TRNT1: variants seen among roughly 807,000 people sequenced by gnomAD.
TRNT1 encodes tRNA nucleotidyl transferase 1, also known as CCA tRNA nucleotidyltransferase 1, mitochondrial.
In TRNT1, 44 loss-of-function variants were observed where a neutral mutation model predicts 45.6. The observed-to-expected ratio is 0.97, with a 90% confidence interval of 0.76 to 1.24. The LOEUF is 1.24. Among genes scored for constraint, TRNT1 ranks in the 50% most tolerant of loss-of-function variants. The pLI is 0.00. For missense variants in TRNT1, 633 were observed against 504.4 expected (o/e 1.25, Z -2.44); for synonymous variants, 201 against 171.4 (o/e 1.17, Z -1.35).
chr3:3,130,212 A>C (rs1176137161), intron 2 of TRNT1: 1 of 475,690 alleles, frequency 2.1e-6, no homozygotes, highest in Non-Finnish European at 3.7e-6. Flanking sequence ...TATCTATTAG[A>C]TTCACCTGGG....
At chr3:3,134,238 G>A (rs1399035394) in intron 2 of TRNT1, among the ~76,000 whole-genome samples, 1 of 152,158 alleles carries the variant, frequency 6.6e-6, no homozygotes, top group Non-Finnish European at 1.5e-5. Flanking sequence ...ATCAGTAACA[G>A]GAATAAATAA....
downstream of TRNT1, chr3:3,150,684 A>G (rs1199430849): frequency 1.2e-5 from 7 of 606,986 alleles, no homozygotes; most frequent in South Asian, 1.2e-4. Flanking sequence ...CTTGTTTCCT[A>G]AAGTATACTT....
rs1272383827 is a variant in TRNT1, at chr3:3,137,299, G to C, written c.188G>C (p.Gly63Ala). The part of the protein sequence containing the change: ...VKENHELRIA[G>A]GAVRDLLNGV... Reference sequence around the variant, plus strand: ...GAGAATCACGAATTAAGAATAGCAGGAGGAGCAGTGAGGGATTTATTAAAT... The same window carrying C: ...GAGAATCACGAATTAAGAATAGCAGCAGGAGCAGTGAGGGATTTATTAAAT... Residue 63 changes from glycine (G) to alanine (A), a missense_variant, in exon 3 of 8, where the codon GGA becomes GCA. Physicochemically the swap from Gly to Ala is moderately conservative, Grantham distance 60. Transcript: ENST00000251607. The C allele has an allele frequency of 1.2e-6, 2 of 1,608,394 alleles. No individual in the cohort carries two copies. Among genetic ancestry groups the C allele is most frequent in the East Asian group, 2.2e-5 (1 of 44,722 alleles).
At chr3:3,146,689 G>GA in intron 6 of TRNT1, 66 bp downstream of exon 6, 4 of 1,382,154 alleles carry the variant, frequency 2.9e-6, no homozygotes, top group Admixed American at 2.4e-5. Flanking sequence ...ATTTCATAAG[G>GA]AAAAAATGTT....
In TRNT1 at chr3:3,146,266, G is replaced by A. The variant is rs117261505; in HGVS notation, c.609-164G>A. Among the ~76,000 whole-genome samples, 64 of 151,974 alleles carry A rather than the reference G, an allele frequency of 4.2e-4. 3 individuals carry two copies. The East Asian group carries it at 7.9e-3, about 19-fold the overall frequency. On this transcript the variant is annotated intron_variant, in intron 5 of 7. Coordinates refer to ENST00000251607, the MANE Select transcript of TRNT1 (RefSeq NM_182916.3). ...TTATCTGGGAAAAGAAAGAGGAGGTGGAGAAATGACCAGTTGCTTTCTAAG... is the reference window on the plus strand; with the variant it reads ...TTATCTGGGAAAAGAAAGAGGAGGTAGAGAAATGACCAGTTGCTTTCTAAG...
Position 3,129,226 on chromosome 3 carries a change from A to G in TRNT1, c.148+38A>G, listed in dbSNP as rs334772. The G allele has an allele frequency of 0.98, 1,558,875 of 1,586,300 alleles. 769,437 individuals carry two copies. The highest frequency in any genetic ancestry group is 1 in the East Asian group (44,754 of 44,754). The stretch of plus-strand genomic sequence containing the variant: ...GATACCTTTTCTTGATTGGAAACCT[A>G]TATAAATGGAGAAGTAGAGGGTTAA... On this transcript the variant is annotated intron_variant, in intron 2 of 7. Transcript: ENST00000251607.
chr3:3,144,797 T>A, intron 5 of TRNT1, 87 bp downstream of exon 5: 1 of 1,304,620 alleles, frequency 7.7e-7, no homozygotes, highest in East Asian at 2.8e-5. Context: ...AGCAGGTCAG[T>A]GTACAAAATG....
At position 3,129,118 on chromosome 3, in the gene TRNT1, T is replaced by C; in HGVS notation, c.78T>C (p.Tyr26=). 1 of 1,614,000 alleles carries C rather than the reference T, an allele frequency of 6.2e-7. No homozygotes were observed. The highest frequency in any genetic ancestry group is 8.5e-7 in the Non-Finnish European group (1 of 1,179,850). The change falls in exon 2 of 8, where the codon TAT becomes TAC. Residue 26 remains tyrosine (Y), a synonymous_variant. Coordinates refer to ENST00000251607, the MANE Select transcript of TRNT1 (RefSeq NM_182916.3). ...RWSRLCLPKQ[Y]LFTMKLQSPE... ...GTAGGCTGTGCCTTCCGAAGCAGTA[T>C]CTATTCACAATGAAGTTGCAGTCTC... is the stretch of plus-strand genomic sequence containing the variant.
chr3:3,129,167 G>T lies in TRNT1; in HGVS notation c.127G>T (p.Glu43Ter), dbSNP rs912144027. The change falls in exon 2 of 8, where the codon GAA becomes TAA. Residue 43 changes from glutamate (E) to a stop codon, truncating the protein, a stop_gained. Transcript: ENST00000251607. LOFTEE classifies it high-confidence loss of function. The part of the protein sequence containing the change: ...QSPEFQSLFT[E>*]GLKSLTELFV... ...TCCCGAATTCCAGTCACTTTTCACA[G>T]AAGGACTGAAGAGTCTGACAGGTGA... 2.5e-6 allele frequency: 4 copies of T among 1,614,064 alleles called. No individual in the cohort carries two copies. The highest frequency in any genetic ancestry group is 3.4e-6 in the Non-Finnish European group (4 of 1,179,924).
downstream of TRNT1, chr3:3,150,170 T>C (rs1706409803): frequency 2.6e-5 from 4 of 152,284 alleles, no homozygotes; most frequent in Admixed American, 2.0e-4. Context: ...AAAAATAGCT[T>C]TTGTATGGAA....
chr3:3,147,799 CTTATT>C (rs1170364530), intron 7 of TRNT1, 96 bp downstream of exon 7: 7 of 1,516,858 alleles, frequency 4.6e-6, no homozygotes, highest in Non-Finnish European at 5.3e-6. Context: ...GTGAATTTTA[CTTATT>C]TTAAATGAAA....
chr3:3,152,423 G>GAAAAAAAA, downstream of TRNT1: 1 of 1,486,980 alleles, frequency 6.7e-7, no homozygotes, highest in Admixed American at 1.9e-5. Flanking sequence ...GGTAAAAAAA[G>GAAAAAAAA]AAAAAAAAAA....
rs768543205 is a variant in TRNT1, at chr3:3,137,228, G to A, written c.149-32G>A. ...ATAAACACATTGAAATAAAGAACTTGGGAATAAAAATCTTATTTTCTCTCA... is the reference window on the plus strand; with the variant it reads ...ATAAACACATTGAAATAAAGAACTTAGGAATAAAAATCTTATTTTCTCTCA... On this transcript the variant is annotated intron_variant, in intron 2 of 7. Coordinates refer to ENST00000251607, the MANE Select transcript of TRNT1 (RefSeq NM_182916.3). The A allele has an allele frequency of 5.9e-6, 9 of 1,527,320 alleles. No homozygotes were observed. The South Asian group carries it at 1.0e-4, about 17-fold the overall frequency. The allele number at this position is 1,527,320 out of a possible 1,614,324, so 94.6% of individuals were successfully genotyped here.
intron 5 of TRNT1, chr3:3,145,607 C>A (rs1247050300): frequency 6.6e-6 from 1 of 151,670 alleles, no homozygotes; most frequent in Non-Finnish European, 1.5e-5. Context: ...ACACACTAAC[C>A]TTTTTAAAAA....
downstream of TRNT1, chr3:3,150,594 CCAGACATAT>C: frequency 2.8e-6 from 1 of 359,476 alleles, no homozygotes; most frequent in Non-Finnish European, 5.3e-6. Context: ...TGACATGCTA[CCAGACATAT>C]CAGATTCCAC....
chr3:3,134,520 T>G (rs1705208232), intron 2 of TRNT1, among the ~76,000 whole-genome samples: 1 of 152,184 alleles, frequency 6.6e-6, no homozygotes, highest in Non-Finnish European at 1.5e-5. Flanking sequence ...TCGTTTTATT[T>G]TAGTAAAGCC....
In TRNT1 at chr3:3,148,998, C is replaced by G. The variant is rs920002483; in HGVS notation, c.*844C>G. 7.9e-6 allele frequency: 1 copy of G among 127,228 alleles called. No homozygotes were observed. Among genetic ancestry groups the G allele is most frequent in the Non-Finnish European group, 1.7e-5 (1 of 58,798 alleles). 7.9% of individuals were successfully genotyped at this position (127,228 alleles called of 1,614,324 possible). On this transcript the variant is annotated 3_prime_UTR_variant, in exon 8 of 8. Transcript: ENST00000251607. ...AGATTTGAGTCCTAAATGCTTTCAT[C>G]AGGTAAATAAAATGTATAATACAAA...
Position 3,130,037 on chromosome 3 carries a change from C to G in TRNT1, c.148+849C>G, listed in dbSNP as rs1225267777. On this transcript the variant is annotated intron_variant, in intron 2 of 7. Transcript: ENST00000251607. ...AATGGCTTTAGCTAAGTGCCAGTAG[C>G]TTCTTGCTGTTGCCACAGTTTCATT... is the stretch of plus-strand genomic sequence containing the variant. 3.4e-6 allele frequency: 5 copies of G among 1,457,944 alleles called. No individual in the cohort carries two copies. In the African/African-American group the frequency reaches 7.0e-5, roughly 20 times the overall value. 90.3% of individuals were successfully genotyped at this position (1,457,944 alleles called of 1,614,324 possible).
Position 3,129,064 on chromosome 3 carries a change from G to T in TRNT1, c.24G>T (p.Trp8Cys), listed in dbSNP as rs1486604659. Residue 8 changes from tryptophan (W) to cysteine (C), a missense_variant, in exon 2 of 8, where the codon TGG (tryptophan) becomes TGT (cysteine). By Grantham distance (215) the Trp-to-Cys change is radical. Coordinates refer to ENST00000251607, the MANE Select transcript of TRNT1 (RefSeq NM_182916.3). MLRCLYH[W>C]HRPVLNRRWS... ...AGATGCTGAGGTGCCTGTATCATTGGCACAGGCCAGTGCTGAACCGTAGGT... is the reference window on the plus strand; with the variant it reads ...AGATGCTGAGGTGCCTGTATCATTGTCACAGGCCAGTGCTGAACCGTAGGT... 1.2e-6 allele frequency: 2 copies of T among 1,612,944 alleles called. No individual in the cohort carries two copies. Among genetic ancestry groups the T allele is most frequent in the East Asian group, 4.5e-5 (2 of 44,870 alleles).
Sources: gnomAD v4.1 joint callset for allele counts (sites outside exome capture counted in the v4.1 genomes callset) on GRCh38, gnomAD v4.1.1 for gene constraint, MANE v1.5 for transcripts, NCBI Gene and HGNC (gene_info 2026-07-23, HGNC 2026-07-21) for gene names.